The following L3MBTL4 variants were observed in gnomAD, a reference collection of about 807,000 sequenced individuals.
L3MBTL4 encodes lethal(3)malignant brain tumor-like protein 4.
A neutral mutation model predicts 84.5 loss-of-function variants in L3MBTL4; 70 were observed. The ratio of observed to expected loss-of-function variants is 0.83; its 90% confidence interval spans 0.68 to 1.01. The LOEUF is 1.01. L3MBTL4 is among the 50% of genes least tolerant of loss of function. The probability of loss-of-function intolerance (pLI) is 0.00; values close to 1 mark genes in which losing one functional copy is unlikely to be tolerated. For synonymous variants in L3MBTL4, 274 were observed against 259.8 expected (o/e 1.05, Z -0.52); for missense variants, 715 against 754.8 (o/e 0.95, Z 0.62).
chr18:6,300,079 T>C (rs1407583364), intron 4 of L3MBTL4, among the ~76,000 whole-genome samples: 1 of 152,176 alleles, frequency 6.6e-6, no homozygotes, highest in East Asian at 1.9e-4. Flanking sequence ...TTCTAAGACA[T>C]GAGGTAAGAG....
chr18:6,089,790 A>C (rs2058380872), intron 15 of L3MBTL4, among the ~76,000 whole-genome samples: 1 of 152,224 alleles, frequency 6.6e-6, no homozygotes, highest in Non-Finnish European at 1.5e-5. Flanking sequence ...TATTAATAGT[A>C]GATAGTTATT....
chr18:6,244,469 A>AT lies in L3MBTL4; in HGVS notation c.324+14_324+15insA. 1 of 1,546,276 alleles carries AT rather than the reference A, an allele frequency of 6.5e-7. No homozygotes were observed. Among genetic ancestry groups the AT allele is most frequent in the East Asian group, 2.2e-5 (1 of 44,504 alleles). On this transcript the variant is annotated intron_variant, in intron 6 of 18. Coordinates refer to ENST00000317931, the MANE Select transcript of L3MBTL4 (RefSeq NM_001330559.2). ...CACTAGGCAATTAGCCCAAGACAGT[A>AT]ACACCACCTCTTACCTCCGCTACAG...
intron 5 of L3MBTL4, among the ~76,000 whole-genome samples, chr18:6,253,018 G>A (rs142363992): frequency 8.9e-4 from 135 of 152,142 alleles, no homozygotes; most frequent in Middle Eastern, 3.4e-3. Context: ...CCTGGCCAAC[G>A]TGGTGAAACC....
chr18:6,320,119 C>A (rs1003712173), intron 1 of L3MBTL4, among the ~76,000 whole-genome samples: 2 of 151,900 alleles, frequency 1.3e-5, no homozygotes, highest in African/African-American at 4.8e-5. Flanking sequence ...AAACCCTCAA[C>A]AAACTAGACA....
intron 13 of L3MBTL4, among the ~76,000 whole-genome samples, chr18:6,148,735 A>C (rs1189289526): frequency 6.6e-6 from 1 of 152,156 alleles, no homozygotes; most frequent in Non-Finnish European, 1.5e-5. Flanking sequence ...CCAACCATAA[A>C]GCACAGAATT....
At chr18:6,228,167 G>A (rs2046853044) in intron 10 of L3MBTL4, among the ~76,000 whole-genome samples, 1 of 152,092 alleles carries the variant, frequency 6.6e-6, no homozygotes, top group Non-Finnish European at 1.5e-5. Flanking sequence ...TAATTCAAAG[G>A]AGAACAAATA....
At chr18:6,183,947 CT>C (rs2044602768) in intron 12 of L3MBTL4, among the ~76,000 whole-genome samples, 1 of 150,458 alleles carries the variant, frequency 6.6e-6, no homozygotes, top group South Asian at 2.1e-4. Flanking sequence ...AAAATTTCCC[CT>C]AATAGAAATT....
chr18:6,406,516 A>C (rs1164911230), intron 1 of L3MBTL4, among the ~76,000 whole-genome samples: 1 of 152,226 alleles, frequency 6.6e-6, no homozygotes, highest in Non-Finnish European at 1.5e-5. Flanking sequence ...GTCATCTGCA[A>C]AACAGGCTGG....
intron 15 of L3MBTL4, among the ~76,000 whole-genome samples, chr18:6,084,151 G>A (rs185603876): frequency 4.9e-4 from 75 of 152,292 alleles, no homozygotes; most frequent in Non-Finnish European, 7.1e-4. Flanking sequence ...TTTAATTCAG[G>A]TTAGTCTAAC....
chr18:6,215,722 T>G, intron 11 of L3MBTL4, 28 bp downstream of exon 11: 1 of 1,337,044 alleles, frequency 7.5e-7, no homozygotes, highest in Non-Finnish European at 1.0e-6. Flanking sequence ...TGTTTAAAGG[T>G]GAGAGTTTGT....
chr18:6,067,159 G>T (rs2057429542), intron 16 of L3MBTL4, among the ~76,000 whole-genome samples: 1 of 152,182 alleles, frequency 6.6e-6, no homozygotes, highest in African/African-American at 2.4e-5. Context: ...TTTCTGCTGA[G>T]AAATCTGCTG....
At chr18:5,966,172 T>C (rs183701473) in intron 17 of L3MBTL4, among the ~76,000 whole-genome samples, 9 of 152,308 alleles carry the variant, frequency 5.9e-5, no homozygotes, top group African/African-American at 1.9e-4. Context: ...TGATTTTGTT[T>C]CTGTTAAGTG....
intron 16 of L3MBTL4, among the ~76,000 whole-genome samples, chr18:6,050,140 T>TA (rs58411975): frequency 5.3e-5 from 8 of 152,118 alleles, no homozygotes; most frequent in African/African-American, 1.9e-4. Context: ...AAACTTTTTT[T>TA]AAAAAAATTA....
At chr18:6,181,325 CT>C (rs1232208766) in intron 12 of L3MBTL4, among the ~76,000 whole-genome samples, 1 of 150,684 alleles carries the variant, frequency 6.6e-6, no homozygotes, top group Non-Finnish European at 1.5e-5. Flanking sequence ...AGTTTTTCTT[CT>C]TTTTTTTTGT....
chr18:6,118,314 A>G (rs762618400), intron 14 of L3MBTL4, among the ~76,000 whole-genome samples: 9 of 151,854 alleles, frequency 5.9e-5, no homozygotes, highest in Admixed American at 1.3e-4. Flanking sequence ...CTCATCCTTC[A>G]GGACTCATCA....
At chr18:6,371,237 T>A (rs761727657) in intron 1 of L3MBTL4, among the ~76,000 whole-genome samples, 5 of 152,202 alleles carry the variant, frequency 3.3e-5, no homozygotes, top group Non-Finnish European at 7.3e-5. Context: ...GCCACTAGGC[T>A]ATGGCTTGCC....
At chr18:6,299,443 A>C (rs887288754) in intron 4 of L3MBTL4, among the ~76,000 whole-genome samples, 1 of 152,230 alleles carries the variant, frequency 6.6e-6, no homozygotes, top group Non-Finnish European at 1.5e-5. Context: ...AAATGAGCAC[A>C]GGCTTTAGAA....
chr18:6,145,230 CT>C (rs559194899), intron 13 of L3MBTL4, among the ~76,000 whole-genome samples: 3 of 152,104 alleles, frequency 2.0e-5, no homozygotes, highest in South Asian at 2.1e-4. Context: ...AGGGAACTGT[CT>C]TTTCTTATTC....
chr18:6,144,262 T>C (rs995089285), intron 13 of L3MBTL4, among the ~76,000 whole-genome samples: 3 of 149,236 alleles, frequency 2.0e-5, no homozygotes, highest in Admixed American at 6.6e-5. Flanking sequence ...TTTATCACAA[T>C]GCTGTGAGAT....
Sources: allele counts gnomAD v4.1 joint callset (sites outside exome capture counted in the v4.1 genomes callset), GRCh38; gene constraint gnomAD v4.1.1; transcripts MANE v1.5; gene names NCBI Gene and HGNC (gene_info 2026-07-23, HGNC 2026-07-21).